The following FAR1 variants were observed in gnomAD, a reference collection of about 807,000 sequenced individuals.
FAR1 encodes the protein male sterility domain-containing protein 2.
Under a neutral mutation model 61.1 loss-of-function variants are expected in FAR1, and 22 were observed. That is an observed-to-expected ratio of 0.36 (90% confidence interval 0.26 to 0.51). The LOEUF is 0.51. FAR1 is among the 20% of genes least tolerant of loss of function. The pLI is 0.95. For synonymous variants in FAR1, 206 were observed against 209.7 expected (o/e 0.98, Z 0.15); for missense variants, 359 against 626.9 (o/e 0.57, Z 4.56).
intron 1 of FAR1, among the ~76,000 whole-genome samples, chr11:13,683,298 TAGG>T (rs1425068271): frequency 2.6e-5 from 4 of 151,556 alleles, no homozygotes; most frequent in Non-Finnish European, 5.9e-5. Context: ...GTGGTTGAGG[TAGG>T]AGAATTGCTT....
At chr11:13,722,513 G>T (rs1480842714) in intron 10 of FAR1, among the ~76,000 whole-genome samples, 1 of 150,388 alleles carries the variant, frequency 6.6e-6, no homozygotes. Flanking sequence ...TTCGTTCTGT[G>T]CCCAGGCTGG....
rs1848715895 is a variant in FAR1 at position 13,730,701 on chromosome 11, C to T, written c.*1927C>T. On this transcript the variant is annotated 3_prime_UTR_variant, in exon 12 of 12. Coordinates refer to ENST00000354817, the MANE Select transcript of FAR1 (RefSeq NM_032228.6). ...GCAAAAGAGTTGGGGACAACTTGGGCAGGCCTATGAAGTGCATAGGGAGTG... is the reference window on the plus strand; with the variant it reads ...GCAAAAGAGTTGGGGACAACTTGGGTAGGCCTATGAAGTGCATAGGGAGTG... The T allele has an allele frequency of 6.6e-6, 1 of 152,058 alleles. No homozygotes were observed. The highest frequency in any genetic ancestry group is 1.5e-5 in the Non-Finnish European group (1 of 67,988). The allele number at this position is 152,058 out of a possible 1,614,324, so 9.4% of individuals were successfully genotyped here.
At position 13,713,927 on chromosome 11, in the gene FAR1, T is replaced by C. The variant is rs537538315; in HGVS notation, c.956-582T>C. ...TAATCTTTTATTGTGTTATAAAGTT[T>C]AGTAAAAGCTGAAATTGAGCGTTAT... On this transcript the variant is annotated intron_variant, in intron 8 of 11. Transcript: ENST00000354817. 3.1e-4 allele frequency among the ~76,000 whole-genome samples: 47 copies of C among 152,248 alleles called. No individual in the cohort carries two copies. The South Asian group carries it at 8.5e-3, about 28-fold the overall frequency.
intron 1 of FAR1, among the ~76,000 whole-genome samples, chr11:13,673,878 C>T (rs1247414457): frequency 6.6e-6 from 1 of 152,174 alleles, no homozygotes; most frequent in Non-Finnish European, 1.5e-5. Flanking sequence ...TGCACTTTTT[C>T]TTCCCAGCCT....
rs543841473 is a variant in FAR1, at chr11:13,724,823, C to CA, written c.1258-2732dup. Among the ~76,000 whole-genome samples the CA allele has an allele frequency of 6.0e-4, 91 of 152,246 alleles. 2 individuals carry two copies. In the East Asian group the frequency reaches 0.014, roughly 24 times the overall value. On this transcript the variant is annotated intron_variant, in intron 10 of 11. Coordinates refer to ENST00000354817, the MANE Select transcript of FAR1 (RefSeq NM_032228.6). ...ACTGCATGTCTCAGTTTGGACTAGC[C>CA]ATATTAAAAGTGCCCAAGAGGCACA... is the stretch of plus-strand genomic sequence containing the variant.
In FAR1 at chr11:13,712,982, G is replaced by C. The variant is rs1848516336; in HGVS notation, c.904G>C (p.Val302Leu). The change falls in exon 8 of 12, where the codon GTG becomes CTG. Residue 302 changes from valine (V) to leucine (L), a missense_variant. Physicochemically the swap from Val to Leu is conservative, Grantham distance 32 (BLOSUM62 1). Transcript: ENST00000354817. ...TCTTTGCAGACCAAGAAACATCATG[G>C]TGTATAATTGTACAACAGGCAGCAC... The part of the protein sequence containing the change: ...SGVNRPRNIM[V>L]YNCTTGSTNP... The C allele has an allele frequency of 6.2e-7, 1 of 1,612,918 alleles. No individual in the cohort carries two copies. The highest frequency in any genetic ancestry group is 1.3e-5 in the African/African-American group (1 of 74,860).
chr11:13,725,921 CT>C lies in FAR1; in HGVS notation c.1258-1625del, dbSNP rs1056860290. 8.9e-3 allele frequency among the ~76,000 whole-genome samples: 1,288 copies of C among 144,984 alleles called. 17 individuals carry two copies. The highest frequency in any genetic ancestry group is 0.03 in the African/African-American group (1,203 of 39,894). ...TCACTCTGGTTTTAAGTTCTTTTTT[CT>C]TTTTTTTTTGGCCGCCCTTTAGATT... On this transcript the variant is annotated intron_variant, in intron 10 of 11. Coordinates refer to ENST00000354817, the MANE Select transcript of FAR1 (RefSeq NM_032228.6).
intron 10 of FAR1, among the ~76,000 whole-genome samples, chr11:13,724,872 G>T (rs1848653148): frequency 6.6e-6 from 1 of 152,134 alleles, no homozygotes. Context: ...ACAGAAGCCT[G>T]TACTGCCTGC....
At chr11:13,687,283 C>G (rs552225032) in intron 1 of FAR1, among the ~76,000 whole-genome samples, 1 of 152,172 alleles carries the variant, frequency 6.6e-6, no homozygotes, top group Non-Finnish European at 1.5e-5. Flanking sequence ...AAATAGCTAG[C>G]TACGACTGCT....
intron 1 of FAR1, among the ~76,000 whole-genome samples, chr11:13,679,849 T>G (rs1848106181): frequency 6.6e-6 from 1 of 152,202 alleles, no homozygotes. Context: ...AGTGCCATGC[T>G]TATGGAACAG....
Position 13,721,892 on chromosome 11 carries a change from A to G in FAR1, c.1257+33A>G, listed in dbSNP as rs771913739. On this transcript the variant is annotated intron_variant, in intron 10 of 11. Transcript: ENST00000354817. This position sits in a 1 kb window ranked among gnomAD's most constrained non-coding sequence, Gnocchi z 4.2. ...AGTATTTTCTGTTTTATATTAGAAA[A>G]TAAGTAGCATACTAATTACAGAACT... The G allele has an allele frequency of 2.6e-6, 4 of 1,547,300 alleles. No homozygotes were observed. The African/African-American group carries it at 4.1e-5, about 16-fold the overall frequency.
chr11:13,672,759 C>T (rs1047078140), intron 1 of FAR1, among the ~76,000 whole-genome samples: 5 of 152,146 alleles, frequency 3.3e-5, no homozygotes, highest in African/African-American at 1.2e-4. Context: ...GAAACTGAAA[C>T]TGTATGTACT....
At chr11:13,702,935 CT>C (rs1848392880) in intron 3 of FAR1, among the ~76,000 whole-genome samples, 1 of 152,180 alleles carries the variant, frequency 6.6e-6, no homozygotes, top group African/African-American at 2.4e-5. Flanking sequence ...TTATTTTCTT[CT>C]TTTACTAGAG....
chr11:13,722,221 C>T (rs1329944372), intron 10 of FAR1, among the ~76,000 whole-genome samples: 4 of 151,868 alleles, frequency 2.6e-5, no homozygotes, highest in Non-Finnish European at 5.9e-5. Flanking sequence ...TTTTTATAAA[C>T]TCTTTTACTT....
At chr11:13,682,968 G>A (rs1848144790) in intron 1 of FAR1, among the ~76,000 whole-genome samples, 1 of 152,010 alleles carries the variant, frequency 6.6e-6, no homozygotes, top group African/African-American at 2.4e-5. Flanking sequence ...TACTTTTAAA[G>A]ACATGCAATC....
chr11:13,681,931 A>C (rs1251406548), intron 1 of FAR1, among the ~76,000 whole-genome samples: 1 of 152,180 alleles, frequency 6.6e-6, no homozygotes, highest in East Asian at 1.9e-4. Context: ...TGAACAAAGT[A>C]GTGGGCAAGA....
chr11:13,691,425 G>A (rs1723630387), intron 1 of FAR1, among the ~76,000 whole-genome samples: 1 of 152,144 alleles, frequency 6.6e-6, no homozygotes, highest in African/African-American at 2.4e-5. Context: ...CAATTCAGTG[G>A]CATTTAGTAC....
At chr11:13,695,276 A>G (rs1164411720) in intron 2 of FAR1, among the ~76,000 whole-genome samples, 1 of 152,192 alleles carries the variant, frequency 6.6e-6, no homozygotes, top group Non-Finnish European at 1.5e-5. Context: ...CCTTGATAAT[A>G]ATAGTAATTA....
rs1847953639 is a variant in FAR1 at position 13,668,682 on chromosome 11, G to T, written c.-132G>T. On this transcript the variant is annotated 5_prime_UTR_variant, in exon 1 of 12. Transcript: ENST00000354817. ...CCAATGGGCGTGCCACTGCCCGTCC[G>T]CTCTTCAGCAGCCGGTCGCGGGCGG... is the stretch of plus-strand genomic sequence containing the variant. 2.6e-5 allele frequency: 4 copies of T among 153,388 alleles called. No homozygotes were observed. In the South Asian group the frequency reaches 7.2e-4, roughly 28 times the overall value. 9.5% of individuals were successfully genotyped at this position (153,388 alleles called of 1,614,324 possible).
Sources: gnomAD v4.1 joint callset for allele counts (sites outside exome capture counted in the v4.1 genomes callset) on GRCh38, gnomAD v4.1.1 for gene constraint, Gnocchi (gnomAD v3.1) non-coding constraint, MANE v1.5 for transcripts, NCBI Gene and HGNC (gene_info 2026-07-23, HGNC 2026-07-21) for gene names.